The following PPP2R5C variants were observed in gnomAD, a reference collection of about 807,000 sequenced individuals.
PPP2R5C encodes protein phosphatase 2 regulatory subunit B'gamma, also known as serine/threonine-protein phosphatase 2A 56 kDa regulatory subunit gamma isoform.
Under a neutral mutation model 68.9 loss-of-function variants are expected in PPP2R5C, and 7 were observed. The observed-to-expected ratio is 0.10, with a 90% CI of 0.06 to 0.19. The LOEUF (loss-of-function observed/expected upper bound fraction) is 0.19. PPP2R5C is among the 10% of genes least tolerant of loss of function. PPP2R5C has a pLI of 1.00. For missense variants in PPP2R5C, 348 were observed against 641.3 expected, an observed-to-expected ratio of 0.54 and a Z score of 4.94; for synonymous variants, 210 against 222.2, an observed-to-expected ratio of 0.95 and a Z score of 0.49.
At chr14:101,783,850 A>G (rs1185322440) in intron 2 of PPP2R5C, among the ~76,000 whole-genome samples, 1 of 152,252 alleles carries the variant, frequency 6.6e-6, no homozygotes, top group Non-Finnish European at 1.5e-5. Context: ...ATGTGACTGA[A>G]CATCTAAAGC....
In PPP2R5C at chr14:101,835,174, G is replaced by A. The variant is rs1056928761; in HGVS notation, c.95-21512G>A. Among the ~76,000 whole-genome samples, 3 of 152,300 alleles carry A rather than the reference G, an allele frequency of 2.0e-5. No individual in the cohort carries two copies. Among genetic ancestry groups the A allele is most frequent in the East Asian group, 1.9e-4 (1 of 5,180 alleles). On this transcript the variant is annotated intron_variant, in intron 1 of 13. Coordinates refer to ENST00000334743, the Ensembl canonical transcript of PPP2R5C. The surrounding 1 kb of genome is among the most constrained non-coding windows in gnomAD (Gnocchi z 5.0). ...TGGACACTGGGCTGCTCCTCATGGC[G>A]GTGGGAGCATGGGCTGCTCAGCTGG...
In PPP2R5C at chr14:101,906,726, T is replaced by C. The variant is rs1375094870; in HGVS notation, c.1151+197T>C. On this transcript the variant is annotated intron_variant, in intron 10 of 13. Coordinates refer to ENST00000334743, the Ensembl canonical transcript of PPP2R5C. This position sits in a 1 kb window ranked among gnomAD's most constrained non-coding sequence, Gnocchi z 4.0. The stretch of plus-strand genomic sequence containing the variant: ...TTGAATTTACCACCTTATACCTTCA[T>C]TCCTGCCAGTATAGAGGCACATTGG... 1.5e-6 allele frequency: 1 copy of C among 647,936 alleles called. No individual in the cohort carries two copies. Among genetic ancestry groups the C allele is most frequent in the Non-Finnish European group, 2.5e-6 (1 of 401,744 alleles). The allele number at this position is 647,936 out of a possible 1,614,324, so 40.1% of individuals were successfully genotyped here.
chr14:101,898,403 C>T (rs1230192351), intron 8 of PPP2R5C, among the ~76,000 whole-genome samples: 4 of 152,192 alleles, frequency 2.6e-5, no homozygotes, highest in African/African-American at 9.7e-5. Flanking sequence ...ACCTTCTCCA[C>T]CGAGGGCTCG....
At chr14:101,903,379 C>T (rs116869892) in intron 9 of PPP2R5C, among the ~76,000 whole-genome samples, 5,493 of 152,302 alleles carry the variant, frequency 0.036, 134 homozygotes, top group Non-Finnish European at 0.057. Flanking sequence ...AAGGTGGCCG[C>T]GCAGCTGCCA....
chr14:101,909,926 G>A (rs942366353), intron 11 of PPP2R5C, among the ~76,000 whole-genome samples: 8 of 152,178 alleles, frequency 5.3e-5, no homozygotes, highest in African/African-American at 1.9e-4. Context: ...TGCAAAAAGT[G>A]CTTATGTAAG....
intron 7 of PPP2R5C, among the ~76,000 whole-genome samples, chr14:101,894,037 T>C (rs965525378): frequency 2.0e-5 from 3 of 152,344 alleles, no homozygotes; most frequent in Middle Eastern, 3.4e-3. Context: ...TGACAAAAAG[T>C]ATATTCTTTA....
intron 1 of PPP2R5C, among the ~76,000 whole-genome samples, chr14:101,832,805 C>T (rs943360448): frequency 3.3e-5 from 5 of 152,184 alleles, no homozygotes; most frequent in Non-Finnish European, 7.3e-5. Context: ...GTGTCATGCC[C>T]CTTCTTCCCC....
intron 5 of PPP2R5C, among the ~76,000 whole-genome samples, chr14:101,887,479 C>T (rs746008397): frequency 3.2e-4 from 48 of 152,246 alleles, no homozygotes; most frequent in Non-Finnish European, 3.2e-4. Context: ...TCACTCCTCA[C>T]GATGCTGTCG....
At position 101,877,133 on chromosome 14, in the gene PPP2R5C, G is replaced by A. The variant is rs1466136542; in HGVS notation, c.295-5028G>A. Among the ~76,000 whole-genome samples the A allele has an allele frequency of 3.3e-5, 5 of 152,034 alleles. No homozygotes were observed. The East Asian group carries it at 9.7e-4, about 29-fold the overall frequency. On this transcript the variant is annotated intron_variant, in intron 2 of 13. Coordinates refer to ENST00000334743, the Ensembl canonical transcript of PPP2R5C. This position sits in a 1 kb window ranked among gnomAD's most constrained non-coding sequence, Gnocchi z 4.2. ...CCAGCTAAGTTTTGTATTTTTAGTG[G>A]AGATGGGGTTTCACCATGTTGGCTA...
chr14:101,835,327 G>A lies in PPP2R5C; in HGVS notation c.95-21359G>A, dbSNP rs1045212854. On this transcript the variant is annotated intron_variant, in intron 1 of 13. Coordinates refer to ENST00000334743, the Ensembl canonical transcript of PPP2R5C. This position sits in a 1 kb window ranked among gnomAD's most constrained non-coding sequence, Gnocchi z 5.0. Reference sequence around the variant, plus strand: ...AGGTGCATTACACCGAGGAACTGACGTGGCCTAAACTCCACAGTGACTTCC... The same window carrying A: ...AGGTGCATTACACCGAGGAACTGACATGGCCTAAACTCCACAGTGACTTCC... 3.9e-5 allele frequency among the ~76,000 whole-genome samples: 6 copies of A among 152,234 alleles called. No homozygotes were observed. Among genetic ancestry groups the A allele is most frequent in the African/African-American group, 9.6e-5 (4 of 41,462 alleles).
chr14:101,808,344 C>A (rs1019209426), upstream of PPP2R5C, among the ~76,000 whole-genome samples: 4 of 152,126 alleles, frequency 2.6e-5, no homozygotes, highest in African/African-American at 9.7e-5. Flanking sequence ...AGGCCGGCAG[C>A]CTGCTCAGGT....
intron 3 of PPP2R5C, among the ~76,000 whole-genome samples, chr14:101,800,528 A>T (rs1595195035): frequency 6.6e-6 from 1 of 152,114 alleles, no homozygotes; most frequent in Non-Finnish European, 1.5e-5. Flanking sequence ...GTGCCATTGC[A>T]CTCCAGCCTG....
chr14:101,865,665 A>G (rs2043016233), intron 2 of PPP2R5C, among the ~76,000 whole-genome samples: 1 of 152,208 alleles, frequency 6.6e-6, no homozygotes, highest in East Asian at 1.9e-4. Flanking sequence ...TGTCTGCTGC[A>G]GACAAATAGC....
intron 1 of PPP2R5C, among the ~76,000 whole-genome samples, chr14:101,849,727 TTC>T (rs1347769647): frequency 1.1e-5 from 1 of 94,770 alleles, no homozygotes; most frequent in Non-Finnish European, 2.4e-5. Context: ...TTCTTTTCTT[TTC>T]TTTCTTTTTT....
At chr14:101,881,047 T>C (rs2044140882) in intron 2 of PPP2R5C, among the ~76,000 whole-genome samples, 1 of 152,150 alleles carries the variant, frequency 6.6e-6, no homozygotes, top group Admixed American at 6.5e-5. Flanking sequence ...ATAACTGGCA[T>C]ACGATCCGTT....
chr14:101,795,593 T>A (rs2038568953), intron 3 of PPP2R5C, among the ~76,000 whole-genome samples: 1 of 152,046 alleles, frequency 6.6e-6, no homozygotes, highest in East Asian at 1.9e-4. Flanking sequence ...AAGAAAAGAC[T>A]AGGAGAAGTC....
intron 8 of PPP2R5C, among the ~76,000 whole-genome samples, chr14:101,901,232 A>T (rs2045669172): frequency 6.6e-6 from 1 of 152,052 alleles, no homozygotes; most frequent in Non-Finnish European, 1.5e-5. Flanking sequence ...TTCTCCGTTG[A>T]TCTTATTCTT....
chr14:101,785,854 G>A (rs143970180), intron 2 of PPP2R5C, among the ~76,000 whole-genome samples, 164 bp from the exon 3 acceptor site: 441 of 152,284 alleles, frequency 2.9e-3, no homozygotes, highest in Non-Finnish European at 5.1e-3. Context: ...GCTGAAGGTG[G>A]GACATAAGCC....
chr14:101,909,720 T>C (rs1369166037), intron 11 of PPP2R5C, 30 bp downstream of exon 13: 4 of 1,504,710 alleles, frequency 2.7e-6, no homozygotes, highest in Non-Finnish European at 3.7e-6. Context: ...AGTTACTGTT[T>C]CCAGGATTTT....
Sources: gnomAD v4.1 joint callset for allele counts (sites outside exome capture counted in the v4.1 genomes callset) on GRCh38, gnomAD v4.1.1 for gene constraint, Gnocchi (gnomAD v3.1) non-coding constraint, MANE v1.5 for transcripts, NCBI Gene and HGNC (gene_info 2026-07-23, HGNC 2026-07-21) for gene names.